The following CNTNAP2 variants were observed in gnomAD, a reference collection of about 807,000 sequenced individuals.
CNTNAP2 encodes contactin associated protein 2, also known as contactin-associated protein-like 2.
Under a neutral mutation model 155.2 loss-of-function variants are expected in CNTNAP2, and 98 were observed. The ratio of observed to expected loss-of-function variants is 0.63; its 90% CI spans 0.54 to 0.75. CNTNAP2 has a LOEUF of 0.75. Among genes scored for constraint, CNTNAP2 ranks in the 30% least tolerant of loss-of-function variants. CNTNAP2 has a pLI of 0.00. For synonymous variants in CNTNAP2, 651 were observed against 631.2 expected, an observed-to-expected ratio of 1.03 and a Z score of -0.47; for missense variants, 1,727 against 1,688.1, an observed-to-expected ratio of 1.02 and a Z score of -0.40.
chr7:147,759,391 C>G (rs949958362), intron 13 of CNTNAP2, among the ~76,000 whole-genome samples: 1 of 152,116 alleles, frequency 6.6e-6, no homozygotes, highest in African/African-American at 2.4e-5. Flanking sequence ...TACTGATGTC[C>G]CAATGCTCTT....
intron 21 of CNTNAP2, among the ~76,000 whole-genome samples, chr7:148,350,152 CAGATTGAAGATGTATTTGGG>C (rs1325761668): frequency 6.6e-6 from 1 of 152,112 alleles, no homozygotes; most frequent in Non-Finnish European, 1.5e-5. Context: ...CAAAAATGGG[CAGATTGAAGATGTATTTGGG>C]AGGCACAGCT....
chr7:146,441,833 C>CTT (rs1175772659), intron 1 of CNTNAP2, among the ~76,000 whole-genome samples: 2 of 151,522 alleles, frequency 1.3e-5, no homozygotes, highest in African/African-American at 4.9e-5. Flanking sequence ...GCATTATTGT[C>CTT]TCTTTCCCAA....
At chr7:146,429,006 T>C (rs575300631) in intron 1 of CNTNAP2, among the ~76,000 whole-genome samples, 14 of 152,158 alleles carry the variant, frequency 9.2e-5, no homozygotes, top group African/African-American at 3.4e-4. Context: ...CTTGTTTTTG[T>C]CAGGTTTGTT....
At chr7:146,902,006 G>A (rs1796013716) in intron 3 of CNTNAP2, among the ~76,000 whole-genome samples, 1 of 150,552 alleles carries the variant, frequency 6.6e-6, no homozygotes, top group African/African-American at 2.4e-5. Context: ...CTCCCGCATA[G>A]TTGGGACTAC....
chr7:148,325,907 C>G (rs1483844221), intron 21 of CNTNAP2, among the ~76,000 whole-genome samples: 1 of 152,100 alleles, frequency 6.6e-6, no homozygotes, highest in Non-Finnish European at 1.5e-5. Flanking sequence ...ATGGACGGCT[C>G]TACCATGATG....
intron 8 of CNTNAP2, among the ~76,000 whole-genome samples, chr7:147,290,829 A>G (rs1207171309): frequency 6.6e-6 from 1 of 151,918 alleles, no homozygotes; most frequent in East Asian, 1.9e-4. Context: ...CCTTAGGACC[A>G]CTCTGTACAT....
chr7:147,682,633 G>A (rs1292297438), intron 13 of CNTNAP2, among the ~76,000 whole-genome samples: 1 of 151,630 alleles, frequency 6.6e-6, no homozygotes, highest in Non-Finnish European at 1.5e-5. Flanking sequence ...GCAATTATTG[G>A]GACTCTTACA....
At chr7:147,015,192 T>C (rs1285179594) in intron 3 of CNTNAP2, among the ~76,000 whole-genome samples, 1 of 151,456 alleles carries the variant, frequency 6.6e-6, no homozygotes, top group African/African-American at 2.4e-5. Flanking sequence ...ATTCAAGGCA[T>C]AGATTGGATT....
At chr7:147,475,644 A>G (rs1307765077) in intron 10 of CNTNAP2, among the ~76,000 whole-genome samples, 3 of 152,180 alleles carry the variant, frequency 2.0e-5, no homozygotes, top group Non-Finnish European at 4.4e-5. Context: ...ATTTAAAAAA[A>G]AAATATGTAG....
chr7:146,277,685 G>C (rs745880564), intron 1 of CNTNAP2, among the ~76,000 whole-genome samples: 12 of 152,218 alleles, frequency 7.9e-5, no homozygotes, highest in Middle Eastern at 6.8e-3. Flanking sequence ...CATTTCCTAA[G>C]GCTGAAACAT....
At chr7:147,827,231 G>A (rs1164706211) in intron 13 of CNTNAP2, among the ~76,000 whole-genome samples, 1 of 151,832 alleles carries the variant, frequency 6.6e-6, no homozygotes, top group Non-Finnish European at 1.5e-5. Context: ...AAATATCCTA[G>A]GCCAAAAGTT....
intron 1 of CNTNAP2, among the ~76,000 whole-genome samples, chr7:146,733,471 A>C (rs1216704967): frequency 6.6e-6 from 1 of 152,148 alleles, no homozygotes; most frequent in African/African-American, 2.4e-5. Context: ...TTAAAATTTA[A>C]ATTTTAAACC....
At chr7:148,289,535 C>A (rs1797153112) in intron 21 of CNTNAP2, among the ~76,000 whole-genome samples, 2 of 151,438 alleles carry the variant, frequency 1.3e-5, no homozygotes, top group Admixed American at 1.3e-4. Flanking sequence ...TTCCCTGTGT[C>A]CAAGAAGCAA....
intron 23 of CNTNAP2, among the ~76,000 whole-genome samples, 173 bp from the exon 24 acceptor site, chr7:148,415,244 C>A (rs573993004): frequency 6.6e-6 from 1 of 152,132 alleles, no homozygotes. Context: ...TCCTGTTACT[C>A]CTTCATGGAC....
At chr7:147,092,947 G>A (rs989314537) in intron 4 of CNTNAP2, among the ~76,000 whole-genome samples, 1 of 152,130 alleles carries the variant, frequency 6.6e-6, no homozygotes, top group Non-Finnish European at 1.5e-5. Context: ...GTATGGCCGG[G>A]CGCGGTGGCT....
chr7:146,857,847 A>G lies in CNTNAP2; in HGVS notation c.402+17943A>G, dbSNP rs78233955. On this transcript the variant is annotated intron_variant, in intron 3 of 23. Coordinates refer to ENST00000361727, the MANE Select transcript of CNTNAP2 (RefSeq NM_014141.6). ...TGTTCAAAGATACTACCAAAGATGT[A>G]CACATAGAACACTAAACTGTGGAAT... Among the ~76,000 whole-genome samples, 1,438 of 152,350 alleles carry G rather than the reference A, an allele frequency of 9.4e-3. 14 individuals are homozygous for G. The highest frequency in any genetic ancestry group is 0.016 in the Non-Finnish European group (1,061 of 68,036).
At chr7:147,627,546 A>T (rs1290936679) in intron 12 of CNTNAP2, among the ~76,000 whole-genome samples, 3 of 151,774 alleles carry the variant, frequency 2.0e-5, no homozygotes, top group African/African-American at 7.3e-5. Context: ...AAATACAAAA[A>T]GTTTGGTGTG....
intron 17 of CNTNAP2, among the ~76,000 whole-genome samples, chr7:148,157,881 A>G (rs756183375): frequency 6.6e-6 from 1 of 152,110 alleles, no homozygotes; most frequent in Non-Finnish European, 1.5e-5. Flanking sequence ...ATTGAAATCA[A>G]TCGACCATAT....
chr7:148,013,316 T>A (rs1563167093), intron 15 of CNTNAP2: 1 of 152,140 alleles, frequency 6.6e-6, no homozygotes, highest in Admixed American at 6.6e-5. Flanking sequence ...CTGTCAACGG[T>A]GAATGCCCAA....
Sources: allele counts gnomAD v4.1 joint callset (sites outside exome capture counted in the v4.1 genomes callset), GRCh38; gene constraint gnomAD v4.1.1; transcripts MANE v1.5; gene names NCBI Gene and HGNC (gene_info 2026-07-23, HGNC 2026-07-21).